Variants in TESK2 observed in about 807,000 individuals in gnomAD.
The protein encoded by TESK2 is testis associated actin remodelling kinase 2.
A neutral mutation model predicts 57.1 loss-of-function variants in TESK2; 39 were observed. The observed-to-expected ratio is 0.68, with a 90% confidence interval of 0.53 to 0.89. The LOEUF (loss-of-function observed/expected upper bound fraction) is 0.89. Ranked by LOEUF, TESK2 falls within the 40% of genes least tolerant of loss-of-function variation. The pLI is 0.00. For synonymous variants in TESK2, 249 were observed against 267.9 expected, an observed-to-expected ratio of 0.93 and a Z score of 0.69; for missense variants, 646 against 732.1, an observed-to-expected ratio of 0.88 and a Z score of 1.36.
At chr1:45,472,902 C>T (rs1383877733) in intron 1 of TESK2, among the ~76,000 whole-genome samples, 1 of 150,812 alleles carries the variant, frequency 6.6e-6, no homozygotes, top group Admixed American at 6.7e-5. Context: ...CTTTGGGAAG[C>T]CAAGGCAGGC....
intron 4 of TESK2, among the ~76,000 whole-genome samples, chr1:45,361,133 G>T (rs1647668332): frequency 6.6e-6 from 1 of 152,068 alleles, no homozygotes; most frequent in African/African-American, 2.4e-5. Flanking sequence ...ATTGCTACAC[G>T]GTCTCTGTGC....
At chr1:45,443,536 C>A (rs1348570860) in intron 2 of TESK2, among the ~76,000 whole-genome samples, 2 of 128,196 alleles carry the variant, frequency 1.6e-5, no homozygotes, top group Non-Finnish European at 3.2e-5. Flanking sequence ...CGCCACTGTA[C>A]TCCAGCCTGG....
chr1:45,373,172 G>T (rs974076322), intron 4 of TESK2, among the ~76,000 whole-genome samples: 7 of 152,106 alleles, frequency 4.6e-5, no homozygotes, highest in Admixed American at 4.6e-4. Flanking sequence ...TGTATTTCAG[G>T]ACCACTCCAG....
At chr1:45,375,528 T>C (rs1024521092) in intron 4 of TESK2, among the ~76,000 whole-genome samples, 10 of 150,886 alleles carry the variant, frequency 6.6e-5, no homozygotes, top group African/African-American at 1.5e-4. Flanking sequence ...GTAAACCACC[T>C]AGCACTTAAC....
intron 1 of TESK2, among the ~76,000 whole-genome samples, chr1:45,489,069 T>G (rs1381140081): frequency 6.7e-6 from 1 of 148,562 alleles, no homozygotes; most frequent in African/African-American, 2.5e-5. Context: ...AAGGCTGAGG[T>G]GGGAGGATCC....
At chr1:45,347,353 G>A (rs1169003288) in intron 7 of TESK2, among the ~76,000 whole-genome samples, 1 of 152,120 alleles carries the variant, frequency 6.6e-6, no homozygotes, top group African/African-American at 2.4e-5. Context: ...ATCACTTCAG[G>A]TCAGGAGTCT....
At chr1:45,384,389 GTCTATCTATCTATCTATCTA>G (rs71052870) in intron 4 of TESK2, among the ~76,000 whole-genome samples, 2 of 144,264 alleles carry the variant, frequency 1.4e-5, no homozygotes, top group South Asian at 2.2e-4. Flanking sequence ...CTATCTATCT[GTCTATCTATCTATCTATCTA>G]TCTATCTATC....
intron 4 of TESK2, among the ~76,000 whole-genome samples, chr1:45,356,181 T>G (rs1647413006): frequency 1.3e-5 from 2 of 151,682 alleles, no homozygotes; most frequent in South Asian, 4.2e-4. Context: ...AAGGCAAGAT[T>G]CAAAATGTAT....
intron 2 of TESK2, among the ~76,000 whole-genome samples, chr1:45,437,698 T>C (rs1651287869): frequency 6.6e-6 from 1 of 152,184 alleles, no homozygotes; most frequent in Non-Finnish European, 1.5e-5. Context: ...ATATGGCCTT[T>C]ATTATGTTGA....
chr1:45,448,001 T>C (rs907108491), intron 2 of TESK2, among the ~76,000 whole-genome samples: 1 of 148,678 alleles, frequency 6.7e-6, no homozygotes, highest in Admixed American at 6.7e-5. Flanking sequence ...CATTCACAGA[T>C]AGGAAGACTC....
chr1:45,427,719 C>T (rs1432764817), intron 2 of TESK2, among the ~76,000 whole-genome samples: 7 of 152,026 alleles, frequency 4.6e-5, no homozygotes, highest in Non-Finnish European at 1.5e-5. Context: ...AACAATTGAA[C>T]TCATAGAGAC....
At chr1:45,385,410 C>G (rs935123409) in intron 4 of TESK2, 1 of 917,752 alleles carries the variant, frequency 1.1e-6, no homozygotes, top group East Asian at 1.2e-4. Context: ...CTGATTCCAA[C>G]AAGTAATAAG....
rs1405211275 is a variant in TESK2 at position 45,355,446 on chromosome 1, T to C, written c.397A>G (p.Ile133Val). The C allele has an allele frequency of 6.2e-7, 1 of 1,605,992 alleles. No individual in the cohort carries two copies. The highest frequency in any genetic ancestry group is 1.3e-5 in the African/African-American group (1 of 74,404). ...AACTGTTCCAGGTTCCCGGAGTTGATATACTGCAAAACAGAAGGAAAACCC... is the reference window on the plus strand; with the variant it reads ...AACTGTTCCAGGTTCCCGGAGTTGACATACTGCAAAACAGAAGGAAAACCC... Reference protein sequence around the residue: ...QGQLHALTEYINSGNLEQLLD... With the variant: ...QGQLHALTEYVNSGNLEQLLD... The change falls in exon 5 of 11, where the codon ATC becomes GTC. Residue 133 changes from isoleucine to valine, a missense_variant. Ile to Val is a conservative substitution (Grantham distance 29). Coordinates refer to ENST00000372086, the MANE Select transcript of TESK2 (RefSeq NM_007170.3).
intron 3 of TESK2, among the ~76,000 whole-genome samples, chr1:45,397,466 C>G (rs1570688098): frequency 6.6e-6 from 1 of 152,204 alleles, no homozygotes; most frequent in Admixed American, 6.5e-5. Flanking sequence ...TTTGTGGCAG[C>G]TTACAGATCC....
chr1:45,357,118 C>T (rs534672759), intron 4 of TESK2, among the ~76,000 whole-genome samples: 96 of 151,934 alleles, frequency 6.3e-4, no homozygotes, highest in Non-Finnish European at 1.0e-3. Flanking sequence ...ATCACTTGAA[C>T]CCGGGAGGCA....
intron 1 of TESK2, among the ~76,000 whole-genome samples, chr1:45,487,012 A>T (rs1653511221): frequency 6.6e-6 from 1 of 151,420 alleles, no homozygotes; most frequent in Admixed American, 6.6e-5. Context: ...TTTTTTCAGT[A>T]GAGACAGGGT....
chr1:45,431,333 G>A (rs926001745), intron 2 of TESK2, among the ~76,000 whole-genome samples: 1 of 152,040 alleles, frequency 6.6e-6, no homozygotes, highest in South Asian at 2.1e-4. Flanking sequence ...CAGAAGAATC[G>A]CTTGAACCCG....
intron 9 of TESK2, among the ~76,000 whole-genome samples, chr1:45,346,420 C>T (rs1408809680): frequency 2.0e-5 from 3 of 152,178 alleles, no homozygotes; most frequent in Non-Finnish European, 4.4e-5. Context: ...ACAATAAAAC[C>T]GGACCAGAGT....
At chr1:45,420,091 A>T (rs1416944909) in intron 3 of TESK2, among the ~76,000 whole-genome samples, 2 of 152,208 alleles carry the variant, frequency 1.3e-5, no homozygotes, top group Admixed American at 1.3e-4. Flanking sequence ...CATCCTGCAC[A>T]TAAACCCTAA....
Sources: gnomAD v4.1 joint callset for allele counts (sites outside exome capture counted in the v4.1 genomes callset) on GRCh38, gnomAD v4.1.1 for gene constraint, MANE v1.5 for transcripts, NCBI Gene and HGNC (gene_info 2026-07-23, HGNC 2026-07-21) for gene names.